SPATA13: variants seen among roughly 807,000 people sequenced by gnomAD.
SPATA13 encodes spermatogenesis-associated protein 13.
SPATA13 carries 50 observed loss-of-function variants against 104.0 expected under a neutral mutation model. That is an observed-to-expected ratio of 0.48 (90% CI 0.38 to 0.61). The LOEUF (loss-of-function observed/expected upper bound fraction) is 0.61, where lower values mean the gene tolerates loss of function less well. Ranked by LOEUF, SPATA13 falls within the 20% of genes least tolerant of loss-of-function variation. The probability of loss-of-function intolerance (pLI) is 0.00; values close to 1 mark genes in which losing one functional copy is unlikely to be tolerated. For synonymous variants in SPATA13, 606 were observed against 667.5 expected (o/e 0.91, Z 1.42); for missense variants, 1,524 against 1,690.6 (o/e 0.90, Z 1.73).
intron 1 of SPATA13, among the ~76,000 whole-genome samples, chr13:24,163,799 A>G (rs552929874): frequency 1.8e-3 from 273 of 152,312 alleles, no homozygotes; most frequent in African/African-American, 6.4e-3. Context: ...GCCTGGCCCT[A>G]TAGCTTGGTA....
At chr13:24,169,208 A>G (rs371569783) in intron 1 of SPATA13, among the ~76,000 whole-genome samples, 90 of 151,850 alleles carry the variant, frequency 5.9e-4, no homozygotes, top group African/African-American at 2.1e-3. Context: ...GGTTGCCTGA[A>G]TTCCAGCTCT....
chr13:24,032,677 G>A (rs1196345861), intron 3 of SPATA13, among the ~76,000 whole-genome samples: 5 of 152,202 alleles, frequency 3.3e-5, no homozygotes, highest in South Asian at 2.1e-4. Context: ...TCCAGGGCAC[G>A]AGCAGAATAA....
At chr13:24,225,937 G>T (rs189762948) in intron 2 of SPATA13, among the ~76,000 whole-genome samples, 1 of 152,282 alleles carries the variant, frequency 6.6e-6, no homozygotes, top group African/African-American at 2.4e-5. Context: ...GAAGTTACGT[G>T]GACAAACGGA....
intron 1 of SPATA13, among the ~76,000 whole-genome samples, chr13:23,980,826 A>T (rs1874857424): frequency 6.6e-6 from 1 of 152,174 alleles, no homozygotes. Flanking sequence ...TCCTGACCTC[A>T]GGTGATCCGC....
intron 3 of SPATA13, among the ~76,000 whole-genome samples, chr13:24,142,709 CCTT>C (rs748141431): frequency 6.6e-6 from 1 of 151,750 alleles, no homozygotes; most frequent in Non-Finnish European, 1.5e-5. Flanking sequence ...CTTTTTCCTC[CCTT>C]CTTCTTCTCC....
Position 24,224,006 on chromosome 13 carries a change from C to T in SPATA13, c.1077C>T (p.Asp359=), listed in dbSNP as rs1340205836. The change falls in exon 2 of 13, where the codon GAC becomes GAT. Residue 359 remains aspartate (D), a synonymous_variant. Transcript: ENST00000382108. Reference sequence around the variant, plus strand: ...TTCAGGCACACAGCCGGCTGCATGACGACTACTCCCGCCGCGTCTCCAGGA... The same window carrying T: ...TTCAGGCACACAGCCGGCTGCATGATGACTACTCCCGCCGCGTCTCCAGGA... ...LRLQAHSRLH[D]DYSRRVSRST... is the part of the protein sequence containing the mutation. 5 of 1,548,342 alleles carry T rather than the reference C, an allele frequency of 3.2e-6. No individual in the cohort carries two copies. The highest frequency in any genetic ancestry group is 4.9e-5 in the East Asian group (2 of 40,826).
At chr13:24,199,168 C>T (rs1870261572) in intron 1 of SPATA13, among the ~76,000 whole-genome samples, 1 of 152,054 alleles carries the variant, frequency 6.6e-6, no homozygotes, top group South Asian at 2.1e-4. Context: ...GGATTACAGG[C>T]CTGAGCCACT....
At chr13:24,066,105 G>A (rs1315008162) in intron 3 of SPATA13, among the ~76,000 whole-genome samples, 1 of 152,110 alleles carries the variant, frequency 6.6e-6, no homozygotes, top group African/African-American at 2.4e-5. Flanking sequence ...AATTGTTAAA[G>A]GTACATACCT....
intron 3 of SPATA13, among the ~76,000 whole-genome samples, chr13:24,107,412 G>T (rs1012527290): frequency 1.3e-5 from 2 of 152,038 alleles, no homozygotes; most frequent in Non-Finnish European, 2.9e-5. Context: ...CCCGAAAAAT[G>T]GTTGCCAAAT....
intron 3 of SPATA13, among the ~76,000 whole-genome samples, chr13:24,059,312 T>C (rs1878696660): frequency 6.6e-6 from 1 of 151,578 alleles, no homozygotes; most frequent in African/African-American, 2.4e-5. Flanking sequence ...AGCACAACTC[T>C]TGGGACTTGG....
chr13:23,984,474 C>G (rs1411917795), intron 2 of SPATA13, among the ~76,000 whole-genome samples: 1 of 152,188 alleles, frequency 6.6e-6, no homozygotes, highest in Non-Finnish European at 1.5e-5. Flanking sequence ...GTGCATTGTT[C>G]TAGGAATCTG....
At chr13:24,167,607 T>TGTGAATGG (rs1882797083) in intron 1 of SPATA13, among the ~76,000 whole-genome samples, 1 of 152,206 alleles carries the variant, frequency 6.6e-6, no homozygotes, top group Non-Finnish European at 1.5e-5. Flanking sequence ...GAATGTTATG[T>TGTGAATGG]GAATTGGGTG....
At chr13:24,104,091 A>G (rs1319065842) in intron 3 of SPATA13, among the ~76,000 whole-genome samples, 1 of 152,134 alleles carries the variant, frequency 6.6e-6, no homozygotes, top group Admixed American at 6.5e-5. Flanking sequence ...TACTTATATA[A>G]AACTGTTAGA....
intron 1 of SPATA13, among the ~76,000 whole-genome samples, chr13:24,173,326 C>T (rs1883064440): frequency 6.6e-6 from 1 of 150,740 alleles, no homozygotes; most frequent in Non-Finnish European, 1.5e-5. Context: ...TGGCTTGTAT[C>T]CTGCAACCTT....
At chr13:24,025,509 T>TA (rs1877170533) in intron 3 of SPATA13, among the ~76,000 whole-genome samples, 1 of 152,200 alleles carries the variant, frequency 6.6e-6, no homozygotes, top group Admixed American at 6.5e-5. Context: ...GGTCATAGTG[T>TA]AATTATATGT....
chr13:23,981,076 C>G (rs1490142429), intron 1 of SPATA13, among the ~76,000 whole-genome samples: 1 of 152,078 alleles, frequency 6.6e-6, no homozygotes, highest in Non-Finnish European at 1.5e-5. Flanking sequence ...ATATATAAAG[C>G]CGGTAGCAGT....
chr13:24,133,681 C>T (rs904258809), intron 3 of SPATA13, among the ~76,000 whole-genome samples: 3 of 152,014 alleles, frequency 2.0e-5, no homozygotes, highest in African/African-American at 7.3e-5. Context: ...TGAGCTGAGC[C>T]CAGCAGAGAT....
chr13:24,022,402 A>G (rs1340428595), intron 3 of SPATA13, among the ~76,000 whole-genome samples: 1 of 152,224 alleles, frequency 6.6e-6, no homozygotes, highest in Non-Finnish European at 1.5e-5. Context: ...AACTTTCAAA[A>G]TAATTTAAAG....
chr13:24,142,665 C>T (rs1347639027), intron 3 of SPATA13, among the ~76,000 whole-genome samples: 2 of 152,100 alleles, frequency 1.3e-5, no homozygotes, highest in Admixed American at 1.3e-4. Context: ...TTTCCTCTTC[C>T]TCATCCTTCT....
Sources: gnomAD v4.1 joint callset for allele counts (sites outside exome capture counted in the v4.1 genomes callset) on GRCh38, gnomAD v4.1.1 for gene constraint, MANE v1.5 for transcripts, NCBI Gene and HGNC (gene_info 2026-07-23, HGNC 2026-07-21) for gene names.